The following NPAS3 variants were observed in gnomAD, a reference collection of about 807,000 sequenced individuals.
NPAS3 encodes neuronal PAS domain-containing protein 3.
Under a neutral mutation model 73.1 loss-of-function variants are expected in NPAS3, and 14 were observed. The observed-to-expected ratio is 0.19, with a 90% CI of 0.13 to 0.30. NPAS3 has a LOEUF of 0.30. NPAS3 is among the 10% of genes least tolerant of loss of function. The pLI, the probability that NPAS3 is intolerant of heterozygous loss-of-function variation, is 1.00. For missense variants in NPAS3, 1,096 were observed against 1,250.0 expected, an observed-to-expected ratio of 0.88 and a Z score of 1.86; for synonymous variants, 620 against 541.5, an observed-to-expected ratio of 1.14 and a Z score of -2.01.
intron 6 of NPAS3, 46 bp downstream of exon 6, chr14:33,676,431 G>GCCAAATGAGTGTGCTCAAGTTAC: frequency 6.7e-7 from 1 of 1,491,850 alleles, no homozygotes. Context: ...CAGGACCTTT[G>GCCAAATGAGTGTGCTCAAGTTAC]CCAAATGAGT....
At chr14:33,281,214 G>A (rs1368515573) in intron 3 of NPAS3, among the ~76,000 whole-genome samples, 7 of 152,192 alleles carry the variant, frequency 4.6e-5, no homozygotes, top group African/African-American at 1.7e-4. Flanking sequence ...ACCTTCACTC[G>A]ACATCTTGTC....
At chr14:33,292,801 A>G (rs1878220099) in intron 3 of NPAS3, among the ~76,000 whole-genome samples, 1 of 152,216 alleles carries the variant, frequency 6.6e-6, no homozygotes, top group South Asian at 2.1e-4. Context: ...CTAGTGTCCC[A>G]TTCAAATAAT....
At chr14:33,035,995 G>T (rs989346075) in intron 1 of NPAS3, among the ~76,000 whole-genome samples, 2 of 152,166 alleles carry the variant, frequency 1.3e-5, no homozygotes, top group Non-Finnish European at 2.9e-5. Flanking sequence ...TTTTGAAACT[G>T]CCCTAGAAGC....
chr14:33,140,826 AGCTATCAGGACTG>A (rs1478699544), intron 2 of NPAS3, among the ~76,000 whole-genome samples: 1 of 152,234 alleles, frequency 6.6e-6, no homozygotes, highest in African/African-American at 2.4e-5. Flanking sequence ...AGGTCAAGAA[AGCTATCAGGACTG>A]GCTGCATTTG....
At chr14:33,219,325 C>CT (rs2047338015) in intron 3 of NPAS3, among the ~76,000 whole-genome samples, 1 of 152,186 alleles carries the variant, frequency 6.6e-6, no homozygotes, top group Non-Finnish European at 1.5e-5. Context: ...AGACTTCAGT[C>CT]AATTTTAAGA....
chr14:33,328,446 C>CTTTTTTTTTTTT lies in NPAS3; in HGVS notation c.386-38713_386-38702dup, dbSNP rs58411120. ...TTTATCTTTCTTTTCCTTTTCTTTTCTTTTTTTTTTTTTTTTTTTTTTTTT... is the reference window on the plus strand; with the variant it reads ...TTTATCTTTCTTTTCCTTTTCTTTTCTTTTTTTTTTTTTTTTTTTTTTTTTTTTTTTTTTTTT... On this transcript the variant is annotated intron_variant, in intron 3 of 11. Transcript: ENST00000356141. Among the ~76,000 whole-genome samples the CTTTTTTTTTTTT allele has an allele frequency of 5.9e-3, 291 of 49,598 alleles. 100 individuals carry two copies. The highest frequency in any genetic ancestry group is 8.7e-3 in the Non-Finnish European group (234 of 26,756). 32.5% of individuals were successfully genotyped at this position (49,598 alleles called of 152,430 possible).
At chr14:33,080,563 TAA>T (rs752113731) in intron 2 of NPAS3, among the ~76,000 whole-genome samples, 9 of 152,252 alleles carry the variant, frequency 5.9e-5, no homozygotes, top group Non-Finnish European at 1.2e-4. Flanking sequence ...TGAAATCAGT[TAA>T]AGTTGGAGAA....
At chr14:33,716,524 G>A (rs1347504351) in intron 6 of NPAS3, among the ~76,000 whole-genome samples, 1 of 151,920 alleles carries the variant, frequency 6.6e-6, no homozygotes, top group East Asian at 1.9e-4. Flanking sequence ...CATTTCAGTG[G>A]CATTAAGTAC....
At chr14:33,093,970 G>A in intron 2 of NPAS3, among the ~76,000 whole-genome samples, 1 of 151,994 alleles carries the variant, frequency 6.6e-6, no homozygotes, top group East Asian at 1.9e-4. Context: ...GGCCTGTTGT[G>A]GGGTGGGGGA....
rs1481216145 is a variant in NPAS3 at position 32,939,362 on chromosome 14, G to C, written c.46G>C (p.Glu16Gln). 3 of 719,686 alleles carry C rather than the reference G, an allele frequency of 4.2e-6. No homozygotes were observed. The African/African-American group carries it at 5.6e-5, about 13-fold the overall frequency. The allele number at this position is 719,686 out of a possible 1,614,324, so 44.6% of individuals were successfully genotyped here. The change falls in exon 1 of 12, where the codon GAA (glutamate) becomes CAA (glutamine). Residue 16 changes from glutamate to glutamine, a missense_variant. Coordinates refer to ENST00000356141, the Ensembl canonical transcript of NPAS3. ...CTTTCAGCAGGATCCTTCCAGGCGA[G>C]AACGGTAACACTTTTCTGTTTATTG... is the stretch of plus-strand genomic sequence containing the variant.
At chr14:33,267,240 A>T (rs533822969) in intron 3 of NPAS3, among the ~76,000 whole-genome samples, 4 of 152,302 alleles carry the variant, frequency 2.6e-5, no homozygotes, top group African/African-American at 9.6e-5. Context: ...ATACTAGAAG[A>T]TATTGCTTCC....
At chr14:32,974,240 A>G (rs938224101) in intron 1 of NPAS3, among the ~76,000 whole-genome samples, 1 of 152,224 alleles carries the variant, frequency 6.6e-6, no homozygotes, top group Non-Finnish European at 1.5e-5. Flanking sequence ...TAAGATTGCT[A>G]GTCACTGTGC....
intron 1 of NPAS3, among the ~76,000 whole-genome samples, chr14:32,975,056 G>C (rs2037596200): frequency 6.6e-6 from 1 of 152,116 alleles, no homozygotes. Context: ...TAGTTGAATA[G>C]TTTTACAGAG....
At chr14:33,088,952 G>T (rs1250676154) in intron 2 of NPAS3, among the ~76,000 whole-genome samples, 1 of 152,168 alleles carries the variant, frequency 6.6e-6, no homozygotes, top group Non-Finnish European at 1.5e-5. Flanking sequence ...CAACAGACTT[G>T]CAGCTGAGGG....
At chr14:33,274,013 G>A (rs1047740540) in intron 3 of NPAS3, among the ~76,000 whole-genome samples, 17 of 152,078 alleles carry the variant, frequency 1.1e-4, no homozygotes, top group South Asian at 2.1e-4. Context: ...TTTGCAAATC[G>A]GACAGCCCCC....
chr14:33,194,177 G>A (rs914064643), intron 2 of NPAS3, among the ~76,000 whole-genome samples: 1 of 152,108 alleles, frequency 6.6e-6, no homozygotes, highest in Non-Finnish European at 1.5e-5. Context: ...AATTGTCTCT[G>A]GAACTATTTC....
At chr14:33,575,550 A>G (rs2056400019) in intron 5 of NPAS3, among the ~76,000 whole-genome samples, 1 of 152,190 alleles carries the variant, frequency 6.6e-6, no homozygotes, top group Non-Finnish European at 1.5e-5. Context: ...TTGTACTATC[A>G]GAACATAATT....
chr14:33,632,641 G>A (rs912628961), intron 5 of NPAS3, among the ~76,000 whole-genome samples: 3 of 152,156 alleles, frequency 2.0e-5, no homozygotes, highest in African/African-American at 7.2e-5. Context: ...ACAGATCCAA[G>A]TCCAGTTCGT....
chr14:33,058,527 T>C (rs1363539583), intron 2 of NPAS3, among the ~76,000 whole-genome samples: 1 of 152,212 alleles, frequency 6.6e-6, no homozygotes, highest in African/African-American at 2.4e-5. Flanking sequence ...TCATCCAATC[T>C]TCAATGAGCT....
Sources: allele counts gnomAD v4.1 joint callset (sites outside exome capture counted in the v4.1 genomes callset), GRCh38; gene constraint gnomAD v4.1.1; transcripts MANE v1.5; gene names NCBI Gene and HGNC (gene_info 2026-07-23, HGNC 2026-07-21).